The following DNAJB14 variants were observed in gnomAD, a reference collection of about 807,000 sequenced individuals.
DNAJB14 encodes dnaJ homolog subfamily B member 14.
Under a neutral mutation model 48.4 loss-of-function variants are expected in DNAJB14, and 22 were observed. That is an observed-to-expected ratio of 0.45 (90% CI 0.32 to 0.65). The LOEUF (loss-of-function observed/expected upper bound fraction) is 0.65. Among genes scored for constraint, DNAJB14 ranks in the 30% least tolerant of loss-of-function variants. The pLI, the probability that DNAJB14 is intolerant of heterozygous loss-of-function variation, is 0.03. For synonymous variants in DNAJB14, 142 were observed against 158.7 expected (o/e 0.89, Z 0.79); for missense variants, 319 against 458.8 (o/e 0.70, Z 2.78).
Position 99,923,903 on chromosome 4 carries a change from AAATAT to A in DNAJB14, c.306-723_306-719del, listed in dbSNP as rs1726153119. 9.1e-6 allele frequency: 9 copies of A among 984,062 alleles called. No homozygotes were observed. In the Admixed American group the frequency reaches 1.8e-4, roughly 20 times the overall value. 61.0% of individuals were successfully genotyped at this position (984,062 alleles called of 1,614,324 possible). On this transcript the variant is annotated intron_variant, in intron 2 of 7. Coordinates refer to ENST00000442697, the MANE Select transcript of DNAJB14 (RefSeq NM_001031723.4). ...CTGAAAAAGATAACATCTCATGATAAAATATAACACGTGACTCAAAAAATGTTATC... is the reference window on the plus strand; with the variant it reads ...CTGAAAAAGATAACATCTCATGATAAAACACGTGACTCAAAAAATGTTATC...
At chr4:99,909,571 A>T (rs1725587335) in intron 3 of DNAJB14, among the ~76,000 whole-genome samples, 1 of 152,044 alleles carries the variant, frequency 6.6e-6, no homozygotes, top group Non-Finnish European at 1.5e-5. Context: ...AAATAAATAC[A>T]GACAGTCCTC....
chr4:99,912,680 T>C (rs1725708082), intron 3 of DNAJB14, among the ~76,000 whole-genome samples: 1 of 152,140 alleles, frequency 6.6e-6, no homozygotes. Context: ...GGTTTCTCCA[T>C]GTTGGTCAGG....
chr4:99,902,926 G>C (rs1725342751), intron 7 of DNAJB14, among the ~76,000 whole-genome samples: 3 of 152,066 alleles, frequency 2.0e-5, no homozygotes, highest in African/African-American at 7.2e-5. Flanking sequence ...ACTGAAACAG[G>C]CATTATATAA....
At chr4:99,903,978 T>C (rs1578211731) in intron 6 of DNAJB14, 80 bp from the exon 7 acceptor site, 20 of 1,404,214 alleles carry the variant, frequency 1.4e-5, no homozygotes, top group Non-Finnish European at 1.7e-5. Context: ...ACAAAAACAA[T>C]TAAAAATCAT....
intron 3 of DNAJB14, 53 bp from the exon 4 acceptor site, chr4:99,908,949 G>T (rs80018757): frequency 2.3e-6 from 3 of 1,298,466 alleles, no homozygotes; most frequent in Admixed American, 5.5e-5. Flanking sequence ...ATTATAAAAG[G>T]CTGCCCCACA....
intron 2 of DNAJB14, chr4:99,924,904 C>A: frequency 2.3e-6 from 2 of 859,682 alleles, no homozygotes; most frequent in East Asian, 2.4e-5. Context: ...AAAATCTGAC[C>A]GAAAAGATGT....
chr4:99,938,313 G>A (rs931619045), intron 1 of DNAJB14, among the ~76,000 whole-genome samples: 4 of 147,776 alleles, frequency 2.7e-5, no homozygotes, highest in Admixed American at 2.0e-4. Context: ...AAAACATCAT[G>A]GCCACATAAA....
At chr4:99,904,367 C>T (rs1725395090) in intron 6 of DNAJB14, among the ~76,000 whole-genome samples, 1 of 152,098 alleles carries the variant, frequency 6.6e-6, no homozygotes, top group Non-Finnish European at 1.5e-5. Flanking sequence ...CAAACAACCA[C>T]AGGTTGTCCA....
At chr4:99,920,005 C>CTGTTT (rs1725995861) in intron 3 of DNAJB14, among the ~76,000 whole-genome samples, 1 of 152,154 alleles carries the variant, frequency 6.6e-6, no homozygotes, top group African/African-American at 2.4e-5. Context: ...CTTTGGACTT[C>CTGTTT]TGTAGTCTGT....
At chr4:99,913,668 C>T (rs551040982) in intron 3 of DNAJB14, among the ~76,000 whole-genome samples, 4 of 141,390 alleles carry the variant, frequency 2.8e-5, no homozygotes, top group Non-Finnish European at 6.0e-5. Flanking sequence ...TTGATATAAG[C>T]AAGGTAAAAC....
intron 3 of DNAJB14, among the ~76,000 whole-genome samples, chr4:99,915,680 C>T (rs1212097268): frequency 6.6e-6 from 1 of 152,118 alleles, no homozygotes; most frequent in Non-Finnish European, 1.5e-5. Context: ...TCTGTGGGCA[C>T]TTGAAAAGAA....
chr4:99,929,124 G>C (rs1436810824), intron 2 of DNAJB14: 1 of 153,420 alleles, frequency 6.5e-6, no homozygotes, highest in South Asian at 2.1e-4. Flanking sequence ...AAGGTGTCTT[G>C]CTCTGTCGCC....
At chr4:99,902,366 G>T (rs756652032) in intron 7 of DNAJB14, among the ~76,000 whole-genome samples, 26 of 141,668 alleles carry the variant, frequency 1.8e-4, no homozygotes, top group Non-Finnish European at 3.8e-4. Flanking sequence ...ATCTCCAGAC[G>T]TTACCAAACA....
rs1725173199 is a variant in DNAJB14, at chr4:99,897,505, T to C, written c.*3523A>G. ...TTTACCTGCCAAATAATTGAAGGGA[T>C]GAGCAAGAATTCCTTGAAAAGCCTC... On this transcript the variant is annotated 3_prime_UTR_variant, in exon 8 of 8. Coordinates refer to ENST00000442697, the MANE Select transcript of DNAJB14 (RefSeq NM_001031723.4). 6.6e-6 allele frequency: 1 copy of C among 151,960 alleles called. No individual in the cohort carries two copies. Among genetic ancestry groups the C allele is most frequent in the Non-Finnish European group, 1.5e-5 (1 of 67,868 alleles). The allele number at this position is 151,960 out of a possible 1,614,324, so 9.4% of individuals were successfully genotyped here. A position where few individuals can be genotyped will look rare whatever the true frequency, so the allele number is the denominator to read the frequency against.
rs2110198453 is a variant in DNAJB14 at position 99,911,295 on chromosome 4, C to A, written c.452-2399G>T. Among the ~76,000 whole-genome samples the A allele has an allele frequency of 3.9e-5, 6 of 152,206 alleles. No individual in the cohort carries two copies. The Middle Eastern group carries it at 0.017, about 431-fold the overall frequency. Reference sequence around the variant, plus strand: ...TGTACCACTGTTTAACCATTTACCACTGAATAACATCTAGTTTTTTTCTAG... The same window carrying A: ...TGTACCACTGTTTAACCATTTACCAATGAATAACATCTAGTTTTTTTCTAG... On this transcript the variant is annotated intron_variant, in intron 3 of 7. Transcript: ENST00000442697.
intron 7 of DNAJB14, among the ~76,000 whole-genome samples, chr4:99,902,212 T>C (rs911850135): frequency 2.0e-5 from 3 of 152,088 alleles, no homozygotes; most frequent in African/African-American, 4.8e-5. Context: ...CTTTCCATTA[T>C]TTCAAGTACT....
chr4:99,912,637 G>A (rs1474223602), intron 3 of DNAJB14, among the ~76,000 whole-genome samples: 1 of 152,034 alleles, frequency 6.6e-6, no homozygotes, highest in Non-Finnish European at 1.5e-5. Context: ...GCGCCACCAC[G>A]CCTCGCTAAT....
chr4:99,930,412 C>G (rs1172595806), intron 2 of DNAJB14, 38 bp downstream of exon 2: 53 of 1,533,008 alleles, frequency 3.5e-5, no homozygotes, highest in Non-Finnish European at 4.6e-5. Context: ...TACATTAATA[C>G]CAATTATGAT....
chr4:99,929,659 G>A (rs1194889231), intron 2 of DNAJB14: 1 of 152,044 alleles, frequency 6.6e-6, no homozygotes, highest in Non-Finnish European at 1.5e-5. Flanking sequence ...AGACAAGAAA[G>A]GACAAATGAG....
Sources: allele counts gnomAD v4.1 joint callset (sites outside exome capture counted in the v4.1 genomes callset), GRCh38; gene constraint gnomAD v4.1.1; transcripts MANE v1.5; gene names NCBI Gene and HGNC (gene_info 2026-07-23, HGNC 2026-07-21).